Variants in DYM observed in about 807,000 individuals in gnomAD.
DYM encodes the protein dymeclin, also known as dyggve-Melchior-Clausen syndrome protein.
A neutral mutation model predicts 93.1 loss-of-function variants in DYM; 78 were observed. That is an observed-to-expected ratio of 0.84 (90% confidence interval 0.70 to 1.01). The LOEUF is 1.01. Ranked by LOEUF, DYM falls within the 50% of genes least tolerant of loss-of-function variation. The probability of loss-of-function intolerance (pLI) is 0.00; values close to 1 mark genes in which losing one functional copy is unlikely to be tolerated. For synonymous variants in DYM, 321 were observed against 319.7 expected (o/e 1.00, Z -0.04); for missense variants, 789 against 845.0 (o/e 0.93, Z 0.82).
intron 9 of DYM, among the ~76,000 whole-genome samples, chr18:49,283,986 C>A (rs1181055690): frequency 6.6e-6 from 1 of 151,852 alleles, no homozygotes; most frequent in East Asian, 1.9e-4. Context: ...TTGTGGTTGG[C>A]TTTATATTTT....
chr18:49,456,275 T>A (rs982475395), intron 1 of DYM, among the ~76,000 whole-genome samples: 3 of 152,232 alleles, frequency 2.0e-5, no homozygotes, highest in Non-Finnish European at 4.4e-5. Context: ...CCTCTGGACT[T>A]CTTTTACAAA....
At chr18:49,187,561 C>T (rs559889646) in intron 14 of DYM, among the ~76,000 whole-genome samples, 257 of 151,936 alleles carry the variant, frequency 1.7e-3, no homozygotes, top group Middle Eastern at 0.01. Context: ...CAGTTTAAGA[C>T]AAATACAAGG....
chr18:49,441,276 T>TTATATTATA (rs2081548524), intron 1 of DYM, among the ~76,000 whole-genome samples: 24 of 43,296 alleles, frequency 5.5e-4, no homozygotes, highest in African/African-American at 2.2e-3. Context: ...ATAATATATA[T>TTATATTATA]TATATAATTA....
At chr18:49,415,927 CAAAAAAA>C (rs80304487) in intron 2 of DYM, among the ~76,000 whole-genome samples, 1 of 84,534 alleles carries the variant, frequency 1.2e-5, no homozygotes, top group Non-Finnish European at 2.4e-5. Flanking sequence ...AACTCTGACT[CAAAAAAA>C]AAAAAAAAAG....
At position 49,334,140 on chromosome 18, in the gene DYM, A is replaced by C. The variant is rs78865592; in HGVS notation, c.495-287T>G. Among the ~76,000 whole-genome samples, 12,872 of 152,266 alleles carry C rather than the reference A, an allele frequency of 0.085. 665 individuals are homozygous for C. Among genetic ancestry groups the C allele is most frequent in the East Asian group, 0.18 (932 of 5,172 alleles). Reference sequence around the variant, plus strand: ...TTTATGTATAATGGAAATAGTTACTAGCAGTGTTCTGTTTTGAAGATTCAC... The same window carrying C: ...TTTATGTATAATGGAAATAGTTACTCGCAGTGTTCTGTTTTGAAGATTCAC... On this transcript the variant is annotated intron_variant, in intron 6 of 17. Transcript: ENST00000675505.
chr18:49,098,672 T>G (rs1337514230), intron 16 of DYM, among the ~76,000 whole-genome samples: 1 of 152,218 alleles, frequency 6.6e-6, no homozygotes, highest in Admixed American at 6.5e-5. Flanking sequence ...GCAAGCTGCT[T>G]ATTTTGTCCA....
chr18:49,199,223 T>A (rs1047245937), intron 14 of DYM, among the ~76,000 whole-genome samples: 1 of 152,044 alleles, frequency 6.6e-6, no homozygotes, highest in Non-Finnish European at 1.5e-5. Context: ...CACCAGGGCC[T>A]GTTGTGGGGT....
At chr18:49,365,415 T>C (rs915422731) in intron 5 of DYM, among the ~76,000 whole-genome samples, 1 of 151,766 alleles carries the variant, frequency 6.6e-6, no homozygotes, top group Non-Finnish European at 1.5e-5. Context: ...CTATTATTAG[T>C]GAAGAAAAAA....
At chr18:49,220,976 G>A (rs1004971594) in intron 13 of DYM, among the ~76,000 whole-genome samples, 117 of 152,232 alleles carry the variant, frequency 7.7e-4, no homozygotes, top group African/African-American at 2.6e-3. Context: ...GCAACCTAGA[G>A]AATGGGAGAA....
chr18:49,326,992 CGTGTGTGTGT>C lies in DYM; in HGVS notation c.763+4862_763+4871del, dbSNP rs10584298. Among the ~76,000 whole-genome samples, 439 of 93,352 alleles carry C rather than the reference CGTGTGTGTGT, an allele frequency of 4.7e-3. 2 individuals carry two copies. Among genetic ancestry groups the C allele is most frequent in the African/African-American group, 0.014 (337 of 23,710 alleles). 61.2% of individuals were successfully genotyped at this position (93,352 alleles called of 152,430 possible). ...TTATCCTCAAATGATTTTAAAAAAC[CGTGTGTGTGT>C]GTGTGTGTGTGTGTGTGTGTGTGTG... is the stretch of plus-strand genomic sequence containing the variant. On this transcript the variant is annotated intron_variant, in intron 8 of 17. Coordinates refer to ENST00000675505, the MANE Select transcript of DYM (RefSeq NM_001353214.3).
chr18:49,259,582 A>C (rs994818355), intron 11 of DYM, among the ~76,000 whole-genome samples: 1 of 152,212 alleles, frequency 6.6e-6, no homozygotes, highest in Non-Finnish European at 1.5e-5. Context: ...TCTAGAAGAT[A>C]TTTTAAAGAT....
chr18:49,264,620 C>T (rs1432620098), intron 11 of DYM, among the ~76,000 whole-genome samples: 4 of 152,112 alleles, frequency 2.6e-5, no homozygotes, highest in Non-Finnish European at 5.9e-5. Flanking sequence ...ATTACTGTTC[C>T]GGGTCTCTAT....
intron 6 of DYM, among the ~76,000 whole-genome samples, chr18:49,343,052 G>A (rs1054445619): frequency 6.6e-6 from 1 of 152,184 alleles, no homozygotes; most frequent in Non-Finnish European, 1.5e-5. Flanking sequence ...TGGGGAGAAG[G>A]TGGGCAAAGA....
At chr18:49,232,678 G>C (rs1396008667) in intron 13 of DYM, among the ~76,000 whole-genome samples, 2 of 140,874 alleles carry the variant, frequency 1.4e-5, no homozygotes, top group African/African-American at 2.7e-5. Context: ...GCGAGATCTC[G>C]GCTCACTGCA....
chr18:49,405,204 C>T (rs1000259041), intron 2 of DYM, among the ~76,000 whole-genome samples: 1 of 152,116 alleles, frequency 6.6e-6, no homozygotes, highest in Non-Finnish European at 1.5e-5. Flanking sequence ...TGTCTGTTTA[C>T]TCTGTTGATT....
intron 14 of DYM, among the ~76,000 whole-genome samples, chr18:49,172,348 G>C (rs1426488893): frequency 6.6e-6 from 1 of 152,132 alleles, no homozygotes; most frequent in Non-Finnish European, 1.5e-5. Context: ...CATTTCTCTT[G>C]AATACATACC....
intron 8 of DYM, among the ~76,000 whole-genome samples, chr18:49,290,886 T>C (rs1055224874): frequency 3.3e-5 from 5 of 152,074 alleles, no homozygotes; most frequent in African/African-American, 1.2e-4. Context: ...TCAAGCATAA[T>C]AAGCAATTAA....
In DYM at chr18:49,392,681, T is replaced by TAAAAAAAA. The variant is rs869086187; in HGVS notation, c.141-1044_141-1037dup. On this transcript the variant is annotated intron_variant, in intron 2 of 17. Transcript: ENST00000675505. ...CACACCCATTGGGATGGCTTTTATT[T>TAAAAAAAA]AAAAAAAAAAAAAAAAAAAAAAAAA... Among the ~76,000 whole-genome samples the TAAAAAAAA allele has an allele frequency of 3.1e-3, 211 of 68,498 alleles. 7 individuals carry two copies. Among genetic ancestry groups the TAAAAAAAA allele is most frequent in the African/African-American group, 0.011 (170 of 15,048 alleles). The allele number at this position is 68,498 out of a possible 152,430, so 44.9% of individuals were successfully genotyped here. A position where few individuals can be genotyped will look rare whatever the true frequency, so the allele number is the denominator to read the frequency against.
intron 17 of DYM, among the ~76,000 whole-genome samples, chr18:49,052,890 G>A (rs572723874): frequency 6.6e-6 from 1 of 152,324 alleles, no homozygotes; most frequent in East Asian, 1.9e-4. Flanking sequence ...GAACTGGCTG[G>A]CACAGGGCAG....
Sources: gnomAD v4.1 joint callset for allele counts (sites outside exome capture counted in the v4.1 genomes callset) on GRCh38, gnomAD v4.1.1 for gene constraint, MANE v1.5 for transcripts, NCBI Gene and HGNC (gene_info 2026-07-23, HGNC 2026-07-21) for gene names.